SFMBT2: variants seen among roughly 807,000 people sequenced by gnomAD.
SFMBT2 encodes scm-like with four MBT domains protein 2.
Under a neutral mutation model 110.1 loss-of-function variants are expected in SFMBT2, and 38 were observed. That is an observed-to-expected ratio of 0.35 (90% confidence interval 0.27 to 0.45). The LOEUF (loss-of-function observed/expected upper bound fraction) is 0.45, where lower values mean the gene tolerates loss of function less well. SFMBT2 is among the 20% of genes least tolerant of loss of function. The pLI is 1.00. For synonymous variants in SFMBT2, 425 were observed against 425.4 expected, an observed-to-expected ratio of 1.00 and a Z score of 0.01; for missense variants, 1,011 against 1,094.9, an observed-to-expected ratio of 0.92 and a Z score of 1.08.
chr10:7,176,295 G>A (rs1838052990), intron 16 of SFMBT2, 130 bp from the exon 17 acceptor site: 12 of 1,069,150 alleles, frequency 1.1e-5, no homozygotes, highest in Non-Finnish European at 1.5e-5. Flanking sequence ...AGTTTCCCAT[G>A]TTGCTTCTGT....
chr10:7,222,353 G>C (rs1839769347), intron 10 of SFMBT2, among the ~76,000 whole-genome samples: 1 of 152,206 alleles, frequency 6.6e-6, no homozygotes, highest in African/African-American at 2.4e-5. Context: ...AATCTGCTCA[G>C]GCTGCTGTGG....
chr10:7,357,993 C>T (rs1844574515), intron 4 of SFMBT2, among the ~76,000 whole-genome samples: 1 of 152,130 alleles, frequency 6.6e-6, no homozygotes, highest in Admixed American at 6.5e-5. Context: ...AGAACACCTG[C>T]ATGGCCCTGT....
chr10:7,251,145 T>G (rs1215861310), intron 7 of SFMBT2, among the ~76,000 whole-genome samples: 1 of 149,952 alleles, frequency 6.7e-6, no homozygotes, highest in African/African-American at 2.4e-5. Context: ...ACATCTATTA[T>G]GTACCAATAA....
intron 4 of SFMBT2, among the ~76,000 whole-genome samples, chr10:7,354,649 A>T (rs751175758): frequency 6.6e-6 from 1 of 152,202 alleles, no homozygotes; most frequent in Non-Finnish European, 1.5e-5. Context: ...GCTGTATCTG[A>T]ACCCTAAAAC....
rs1437336615 is a variant in SFMBT2 at position 7,200,423 on chromosome 10, C to A, written c.1549G>T (p.Asp517Tyr). ...AAATGGGACTGATTACCTGTGGTGTCCAGGTGAGGGAATAAACAAAGGTCA... is the reference window on the plus strand; with the variant it reads ...AAATGGGACTGATTACCTGTGGTGTACAGGTGAGGGAATAAACAAAGGTCA... Reference protein sequence around the residue: ...PHDLCLFPHLDTTGTVNGKYC... With the variant: ...PHDLCLFPHLYTTGTVNGKYC... The change falls in exon 14 of 21, where the codon GAC becomes TAC. Residue 517 changes from aspartate (D) to tyrosine (Y), a missense_variant. Asp to Tyr is a radical substitution (Grantham distance 160). Coordinates refer to ENST00000397167, the MANE Select transcript of SFMBT2 (RefSeq NM_001387889.1). 5 of 1,597,852 alleles carry A rather than the reference C, an allele frequency of 3.1e-6. No homozygotes were observed. The highest frequency in any genetic ancestry group is 1.3e-5 in the African/African-American group (1 of 74,206).
rs1564364579 is a variant in SFMBT2, at chr10:7,171,228, G to T, written c.2416-172C>A. On this transcript the variant is annotated intron_variant, in intron 19 of 20. Transcript: ENST00000397167. This position sits in a 1 kb window ranked among gnomAD's most constrained non-coding sequence, Gnocchi z 4.9. ...CTCTCAGTCCCTGAGAAAGTTCTTG[G>T]CTCAGTGATGATGCCCCCTGCAATG... 6.6e-6 allele frequency among the ~76,000 whole-genome samples: 1 copy of T among 152,210 alleles called. No individual in the cohort carries two copies. The highest frequency in any genetic ancestry group is 1.5e-5 in the Non-Finnish European group (1 of 68,040).
intron 4 of SFMBT2, among the ~76,000 whole-genome samples, chr10:7,326,136 T>A (rs901808071): frequency 2.0e-5 from 3 of 152,212 alleles, no homozygotes; most frequent in Non-Finnish European, 4.4e-5. Flanking sequence ...CAACTCTTGT[T>A]AAGCTTCCAA....
Position 7,205,843 on chromosome 10 carries a change from A to G in SFMBT2, c.1416T>C (p.Tyr472=), listed in dbSNP as rs1485880053. Residue 472 remains tyrosine (Y), a synonymous_variant, in exon 12 of 21, where the codon TAT becomes TAC. Transcript: ENST00000397167. ...CTGTTTTGTGTGGTGCAGTCAAAGG[A>G]TAAGAATTGGCTTCACACCAGCCCA... is the stretch of plus-strand genomic sequence containing the variant. ...FPVGWCEANS[Y]PLTAPHKTVS... is the part of the protein sequence containing the mutation. 2 of 1,614,132 alleles carry G rather than the reference A, an allele frequency of 1.2e-6. No individual in the cohort carries two copies. Among genetic ancestry groups the G allele is most frequent in the South Asian group, 1.1e-5 (1 of 91,088 alleles).
intron 9 of SFMBT2, among the ~76,000 whole-genome samples, chr10:7,228,827 G>T (rs1163504289): frequency 6.9e-6 from 1 of 145,666 alleles, no homozygotes; most frequent in Admixed American, 7.0e-5. Flanking sequence ...CTTCATTTTT[G>T]GGGGGAAGAT....
intron 8 of SFMBT2, among the ~76,000 whole-genome samples, chr10:7,244,924 A>G (rs913972938): frequency 3.3e-5 from 5 of 152,162 alleles, no homozygotes; most frequent in African/African-American, 9.7e-5. Flanking sequence ...CATGTCCGAG[A>G]GCCCTGTTGA....
chr10:7,332,879 G>A (rs1389914917), intron 4 of SFMBT2, among the ~76,000 whole-genome samples: 1 of 151,890 alleles, frequency 6.6e-6, no homozygotes, highest in East Asian at 1.9e-4. Flanking sequence ...TTCTTTTTTT[G>A]TTTTTGAGAC....
chr10:7,264,937 GAAAAAAAAA>G (rs35999336), intron 7 of SFMBT2, among the ~76,000 whole-genome samples: 2 of 95,230 alleles, frequency 2.1e-5, no homozygotes, highest in African/African-American at 6.6e-5. Context: ...TAAAAAAGAG[GAAAAAAAAA>G]AAAAAAAAAA....
At chr10:7,244,834 G>A (rs2131722856) in intron 8 of SFMBT2, among the ~76,000 whole-genome samples, 1 of 152,162 alleles carries the variant, frequency 6.6e-6, no homozygotes, top group East Asian at 1.9e-4. Context: ...TGCTAATTTT[G>A]GTAAATAGTT....
intron 16 of SFMBT2, among the ~76,000 whole-genome samples, chr10:7,178,255 G>T (rs1020471332): frequency 6.6e-6 from 1 of 152,058 alleles, no homozygotes; most frequent in African/African-American, 2.4e-5. Context: ...CATCTTCTAA[G>T]GTTTCTCTGA....
At chr10:7,323,256 C>G (rs765377593) in intron 4 of SFMBT2, among the ~76,000 whole-genome samples, 2 of 151,930 alleles carry the variant, frequency 1.3e-5, no homozygotes, top group African/African-American at 2.4e-5. Flanking sequence ...GAGTTTGCAG[C>G]ATGACCAATA....
At chr10:7,268,331 A>T (rs1396155690) in intron 7 of SFMBT2, among the ~76,000 whole-genome samples, 1 of 152,238 alleles carries the variant, frequency 6.6e-6, no homozygotes, top group African/African-American at 2.4e-5. Flanking sequence ...GTTTGATGAC[A>T]GAAACAAACT....
chr10:7,268,686 T>C (rs1032929642), intron 7 of SFMBT2, among the ~76,000 whole-genome samples: 20 of 152,168 alleles, frequency 1.3e-4, no homozygotes, highest in African/African-American at 4.6e-4. Context: ...AATTTTTGTA[T>C]TTTTAATAGA....
In SFMBT2 at chr10:7,293,219, T is replaced by G. The variant is rs1564425401; in HGVS notation, c.437-7265A>C. ...ACCCACCACCATCTCCAGCCTCAGC[T>G]TCCCGAGTAGCTGGGACTACAGGCA... On this transcript the variant is annotated intron_variant, in intron 4 of 20. Coordinates refer to ENST00000397167, the MANE Select transcript of SFMBT2 (RefSeq NM_001387889.1). This position sits in a 1 kb window ranked among gnomAD's most constrained non-coding sequence, Gnocchi z 4.6. Among the ~76,000 whole-genome samples the G allele has an allele frequency of 1.3e-5, 2 of 151,934 alleles. No homozygotes were observed. Among genetic ancestry groups the G allele is most frequent in the Admixed American group, 1.3e-4 (2 of 15,260 alleles).
At chr10:7,372,509 C>A (rs1229283929) in intron 2 of SFMBT2, among the ~76,000 whole-genome samples, 1 of 152,212 alleles carries the variant, frequency 6.6e-6, no homozygotes, top group African/African-American at 2.4e-5. Context: ...GGATTGACGC[C>A]CTTCAAACAG....
Sources: allele counts gnomAD v4.1 joint callset (sites outside exome capture counted in the v4.1 genomes callset), GRCh38; gene constraint gnomAD v4.1.1; non-coding constraint Gnocchi (gnomAD v3.1); transcripts MANE v1.5; gene names NCBI Gene and HGNC (gene_info 2026-07-23, HGNC 2026-07-21).